The following CNOT10 variants were observed in gnomAD, a reference collection of about 807,000 sequenced individuals.
CNOT10 encodes the protein CCR4-NOT transcription complex subunit 10.
In CNOT10, 30 loss-of-function variants were observed where a neutral mutation model predicts 94.6. The observed-to-expected ratio is 0.32, with a 90% CI of 0.24 to 0.43. CNOT10 has a LOEUF of 0.43. CNOT10 is among the 20% of genes least tolerant of loss of function. The pLI is 1.00. For missense variants in CNOT10, 759 were observed against 877.2 expected, an observed-to-expected ratio of 0.87 and a Z score of 1.70; for synonymous variants, 289 against 301.6, an observed-to-expected ratio of 0.96 and a Z score of 0.43.
At chr3:32,699,144 T>A (rs1697217089) in intron 1 of CNOT10, among the ~76,000 whole-genome samples, 1 of 152,186 alleles carries the variant, frequency 6.6e-6, no homozygotes, top group African/African-American at 2.4e-5. Flanking sequence ...AGTGCCCAGA[T>A]CATAAGTGCA....
chr3:32,764,750 C>A lies in CNOT10; in HGVS notation c.1945C>A (p.Leu649Ile). Residue 649 changes from leucine to isoleucine, a missense_variant, in exon 17 of 19, where the codon CTT becomes ATT. Leu to Ile is a conservative substitution (Grantham distance 5). Transcript: ENST00000328834. ...TGCCAGGACTGTGATGCTGTTCAAC[C>A]TTGGCAGCGCTTACTGCCTGAGGAG... is the stretch of plus-strand genomic sequence containing the variant. ...NSARTVMLFN[L>I]GSAYCLRSEY... 9 of 1,614,186 alleles carry A rather than the reference C, an allele frequency of 5.6e-6. No homozygotes were observed. Among genetic ancestry groups the A allele is most frequent in the Non-Finnish European group, 7.6e-6 (9 of 1,180,032 alleles).
Position 32,764,812 on chromosome 3 carries a change from G to A in CNOT10, c.2004+3G>A, listed in dbSNP as rs1350266102. The A allele has an allele frequency of 1.2e-6, 2 of 1,613,760 alleles. No individual in the cohort carries two copies. The highest frequency in any genetic ancestry group is 1.7e-6 in the Non-Finnish European group (2 of 1,179,952). On this transcript the variant is annotated splice_donor_region_variant and intron_variant, in intron 17 of 18. Coordinates refer to ENST00000328834, the MANE Select transcript of CNOT10 (RefSeq NM_015442.3). ...AAGCCCGAAAGTGTCTCCACCAGGT[G>A]AGTCCAGAGTGGGAGGAACTGAACC...
intron 15 of CNOT10, 56 bp downstream of exon 15, chr3:32,762,919 A>C: frequency 6.9e-7 from 1 of 1,445,294 alleles, no homozygotes; most frequent in South Asian, 1.6e-5. Context: ...CCCTCCTGTC[A>C]TAATTCAGGA....
chr3:32,718,421 AAAAAT>A (rs1425594993), intron 7 of CNOT10, among the ~76,000 whole-genome samples: 2 of 150,784 alleles, frequency 1.3e-5, no homozygotes, highest in African/African-American at 4.9e-5. Flanking sequence ...CATCTCTACT[AAAAAT>A]ACAAAAAATG....
intron 1 of CNOT10, among the ~76,000 whole-genome samples, chr3:32,703,126 G>C (rs553809390): frequency 7.4e-6 from 1 of 134,410 alleles, no homozygotes; most frequent in Non-Finnish European, 1.5e-5. Flanking sequence ...GGGTTTCACC[G>C]TGTTAGCCAG....
At chr3:32,706,906 C>G (rs1697649313) in intron 3 of CNOT10, among the ~76,000 whole-genome samples, 1 of 152,194 alleles carries the variant, frequency 6.6e-6, no homozygotes, top group Non-Finnish European at 1.5e-5. Flanking sequence ...CACTTGCTAA[C>G]ATTTGAACCA....
intron 13 of CNOT10, among the ~76,000 whole-genome samples, chr3:32,742,295 A>G (rs1699506666): frequency 6.6e-6 from 1 of 152,088 alleles, no homozygotes; most frequent in Non-Finnish European, 1.5e-5. Context: ...TAAGATGTGT[A>G]GTGCTATCTC....
At chr3:32,705,112 A>G in intron 3 of CNOT10, 140 bp downstream of exon 3, 2 of 646,100 alleles carry the variant, frequency 3.1e-6, no homozygotes, top group Non-Finnish European at 4.9e-6. Flanking sequence ...TTATTTCCGT[A>G]AAATTATTAT....
At chr3:32,750,053 CAA>C (rs1699890101) in intron 13 of CNOT10, among the ~76,000 whole-genome samples, 1 of 151,996 alleles carries the variant, frequency 6.6e-6, no homozygotes, top group Non-Finnish European at 1.5e-5. Context: ...CTTGTCTCTA[CAA>C]AAAATTTAGT....
At chr3:32,768,419 T>A (rs1326699067) in intron 17 of CNOT10, among the ~76,000 whole-genome samples, 2 of 151,994 alleles carry the variant, frequency 1.3e-5, no homozygotes, top group African/African-American at 4.8e-5. Context: ...CCGTCTATAC[T>A]AAAAATACAA....
chr3:32,741,551 C>T (rs1465883262), intron 13 of CNOT10, among the ~76,000 whole-genome samples: 1 of 151,928 alleles, frequency 6.6e-6, no homozygotes, highest in Non-Finnish European at 1.5e-5. Context: ...GAGCGGATCA[C>T]GAGGTCAGGA....
chr3:32,715,762 A>G lies in CNOT10; in HGVS notation c.574-463A>G, dbSNP rs370034210. Among the ~76,000 whole-genome samples, 48 of 152,200 alleles carry G rather than the reference A, an allele frequency of 3.2e-4. 1 individual carries two copies. Among genetic ancestry groups the G allele is most frequent in the Middle Eastern group, 3.4e-3 (1 of 292 alleles). The stretch of plus-strand genomic sequence containing the variant: ...TCATGAGTAGAGCTTCCTGTCACCC[A>G]CTCTAGACTACTGAACCTCAGTCTC... On this transcript the variant is annotated intron_variant, in intron 5 of 18. Coordinates refer to ENST00000328834, the MANE Select transcript of CNOT10 (RefSeq NM_015442.3).
intron 8 of CNOT10, among the ~76,000 whole-genome samples, chr3:32,721,546 A>AT (rs976567642): frequency 3.8e-4 from 55 of 144,908 alleles, no homozygotes; most frequent in Middle Eastern, 3.9e-3. Context: ...TAATAATATA[A>AT]TTTTTTTCAG....
chr3:32,735,383 A>G (rs1196695413), intron 12 of CNOT10, among the ~76,000 whole-genome samples: 1 of 151,948 alleles, frequency 6.6e-6, no homozygotes, highest in East Asian at 1.9e-4. Context: ...CAAGAGGGAT[A>G]TTTGTAAGAA....
In CNOT10 at chr3:32,737,421, A is replaced by T; in HGVS notation, c.1526A>T (p.His509Leu). Residue 509 changes from histidine (H) to leucine (L), a missense_variant, in exon 13 of 19, where the codon CAT becomes CTT. This residue lies in a region of CNOT10 where 682 missense variants were observed against 799.4 expected (regional missense o/e 0.85). Transcript: ENST00000328834. ...TACCTCTATTTTAGCAGTAAAAGCC[A>T]TGATGGAGATAAATTCATTCCAGCT... The part of the protein sequence containing the change: ...ESSETCSSKS[H>L]DGDKFIPAPP... 1 of 1,607,470 alleles carries T rather than the reference A, an allele frequency of 6.2e-7. No individual in the cohort carries two copies. Among genetic ancestry groups the T allele is most frequent in the African/African-American group, 1.3e-5 (1 of 74,878 alleles).
At position 32,708,759 on chromosome 3, in the gene CNOT10, G is replaced by A; in HGVS notation, c.369G>A (p.Leu123=). ...YYNQAVILYH[L]RQYTEAISVG... The stretch of plus-strand genomic sequence containing the variant: ...ATCAAGCAGTCATTCTTTATCATCT[G>A]CGGCAGTATACAGAAGCCATATCAG... The change falls in exon 4 of 19, where the codon CTG becomes CTA. Residue 123 remains leucine (L), a synonymous_variant. Coordinates refer to ENST00000328834, the MANE Select transcript of CNOT10 (RefSeq NM_015442.3). 6.2e-7 allele frequency: 1 copy of A among 1,613,496 alleles called. No individual in the cohort carries two copies. Among genetic ancestry groups the A allele is most frequent in the Non-Finnish European group, 8.5e-7 (1 of 1,179,686 alleles).
chr3:32,753,345 CAG>C (rs1700047769), intron 13 of CNOT10: 1 of 1,222,008 alleles, frequency 8.2e-7, no homozygotes, highest in Admixed American at 1.7e-5. Context: ...TGGTATCAAA[CAG>C]AATCGCAAGT....
rs1387439800 is a variant in CNOT10 at position 32,773,491 on chromosome 3, G to A, written c.2115G>A (p.Arg705=). Residue 705 remains arginine, a synonymous_variant, in exon 19 of 19, where the codon AGG becomes AGA. Coordinates refer to ENST00000328834, the MANE Select transcript of CNOT10 (RefSeq NM_015442.3). The stretch of plus-strand genomic sequence containing the variant: ...AGCTGGCCTTACAGATCATCAAAAG[G>A]AATCAGCTGCTCCCTGCAGTGAAAA... ...NTQLALQIIK[R]NQLLPAVKTH... is the part of the protein sequence containing the mutation. 5 of 1,613,604 alleles carry A rather than the reference G, an allele frequency of 3.1e-6. No homozygotes were observed. The Admixed American group carries it at 5.0e-5, about 16-fold the overall frequency.
At position 32,689,074 on chromosome 3, in the gene CNOT10, G is replaced by A. The variant is rs188007534; in HGVS notation, c.22+3592G>A. The stretch of plus-strand genomic sequence containing the variant: ...AAAAAAATTAGCAGGGCCTGCTGGC[G>A]GGTGCCTGTGGCTCCCACCTGTAAT... On this transcript the variant is annotated intron_variant, in intron 1 of 18. Coordinates refer to ENST00000328834, the MANE Select transcript of CNOT10 (RefSeq NM_015442.3). Among the ~76,000 whole-genome samples, 10 of 151,714 alleles carry A rather than the reference G, an allele frequency of 6.6e-5. No individual in the cohort carries two copies. The East Asian group carries it at 1.8e-3, about 27-fold the overall frequency.
Sources: gnomAD v4.1 joint callset for allele counts (sites outside exome capture counted in the v4.1 genomes callset) on GRCh38, gnomAD v4.1.1 for gene constraint, gnomAD v4.1.1 regional missense constraint, MANE v1.5 for transcripts, NCBI Gene and HGNC (gene_info 2026-07-23, HGNC 2026-07-21) for gene names.